Variants in DYNC2H1 observed in about 807,000 individuals in gnomAD.
DYNC2H1 encodes the protein cytoplasmic dynein 2 heavy chain 1.
Under a neutral mutation model 570.0 loss-of-function variants are expected in DYNC2H1, and 410 were observed. The ratio of observed to expected loss-of-function variants is 0.72; its 90% CI spans 0.66 to 0.78. The LOEUF is 0.78. DYNC2H1 is among the 30% of genes least tolerant of loss of function. The pLI is 0.00. For missense variants in DYNC2H1, 4,865 were observed against 5,046.4 expected (o/e 0.96, Z 1.09); for synonymous variants, 1,688 against 1,677.6 (o/e 1.01, Z -0.15).
chr11:103,457,029 A>G (rs916434319), intron 87 of DYNC2H1, among the ~76,000 whole-genome samples: 2 of 152,224 alleles, frequency 1.3e-5, no homozygotes, highest in Non-Finnish European at 2.9e-5. Context: ...GACAGGTTGC[A>G]CATACTACAG....
intron 4 of DYNC2H1, among the ~76,000 whole-genome samples, chr11:103,115,768 A>G (rs1206128104): frequency 3.3e-5 from 5 of 152,196 alleles, no homozygotes; most frequent in Non-Finnish European, 7.4e-5. Flanking sequence ...CCTGGGCAAG[A>G]GTGCGAGACT....
intron 17 of DYNC2H1, 66 bp from the exon 18 acceptor site, chr11:103,143,202 A>T (rs938760897): frequency 1.3e-6 from 2 of 1,527,480 alleles, no homozygotes; most frequent in African/African-American, 2.8e-5. Context: ...GTTGAATCCT[A>T]TTCTATTATA....
chr11:103,408,952 G>A (rs34386498), intron 84 of DYNC2H1, among the ~76,000 whole-genome samples: 76,692 of 151,432 alleles, frequency 0.51, 19,656 homozygotes, highest in African/African-American at 0.6. Flanking sequence ...TTTATATCCC[G>A]CCGGATAGGT....
At chr11:103,473,177 AAAT>A (rs1945441623) in intron 88 of DYNC2H1, among the ~76,000 whole-genome samples, 1 of 152,182 alleles carries the variant, frequency 6.6e-6, no homozygotes, top group East Asian at 1.9e-4. Flanking sequence ...GGAAAAATGA[AAAT>A]AAATAAAATG....
chr11:103,150,691 G>T (rs144635006), intron 20 of DYNC2H1, among the ~76,000 whole-genome samples: 1 of 152,262 alleles, frequency 6.6e-6, no homozygotes, highest in Admixed American at 6.5e-5. Context: ...CCAACTGGTA[G>T]ATAATAAACA....
At chr11:103,379,594 C>G (rs1250455973) in intron 83 of DYNC2H1, among the ~76,000 whole-genome samples, 1 of 152,130 alleles carries the variant, frequency 6.6e-6, no homozygotes, top group Non-Finnish European at 1.5e-5. Context: ...TCAAATCATC[C>G]TTTATTAATA....
intron 84 of DYNC2H1, among the ~76,000 whole-genome samples, chr11:103,415,373 G>C (rs1206707940): frequency 6.6e-6 from 1 of 152,128 alleles, no homozygotes; most frequent in Non-Finnish European, 1.5e-5. Flanking sequence ...TACCATCAGA[G>C]TGAACAGGCA....
intron 79 of DYNC2H1, among the ~76,000 whole-genome samples, chr11:103,314,950 C>T (rs1848919809): frequency 6.6e-6 from 1 of 151,916 alleles, no homozygotes; most frequent in South Asian, 2.1e-4. Context: ...TTTATTAAGA[C>T]TTTTGAATTG....
At position 103,168,885 on chromosome 11, in the gene DYNC2H1, A is replaced by G. The variant is rs1199090623; in HGVS notation, c.4893A>G (p.Arg1631=). Residue 1631 remains arginine, a synonymous_variant, in exon 32 of 89, where the codon AGA becomes AGG. Transcript: ENST00000375735. The part of the protein sequence containing the change: ...TEDWAWKKQL[R]FYMKSDHTCC... ...ACTGGGCTTGGAAAAAACAACTTAG[A>G]TTCTATATGAAAAGTGATCATACAT... is the stretch of plus-strand genomic sequence containing the variant. The G allele has an allele frequency of 1.2e-6, 2 of 1,613,182 alleles. No individual in the cohort carries two copies.
At chr11:103,220,550 C>A in intron 56 of DYNC2H1, 73 bp from the exon 57 acceptor site, 1 of 1,403,488 alleles carries the variant, frequency 7.1e-7, no homozygotes, top group Admixed American at 2.3e-5. Flanking sequence ...GACAATAAAA[C>A]ATAATTTTTC....
intron 75 of DYNC2H1, among the ~76,000 whole-genome samples, chr11:103,300,006 T>A (rs1284206170): frequency 1.3e-5 from 2 of 152,128 alleles, no homozygotes. Flanking sequence ...GGTACATTTT[T>A]ACAATTGTTT....
chr11:103,193,534 T>TTTTTTC (rs768465243), intron 47 of DYNC2H1, among the ~76,000 whole-genome samples: 64 of 151,958 alleles, frequency 4.2e-4, no homozygotes, highest in Non-Finnish European at 5.7e-4. Context: ...TTTTCTTTTC[T>TTTTTTC]TTTTTCTTTT....
At chr11:103,338,885 A>G (rs143959925) in intron 82 of DYNC2H1, among the ~76,000 whole-genome samples, 11 of 152,110 alleles carry the variant, frequency 7.2e-5, no homozygotes, top group African/African-American at 2.7e-4. Flanking sequence ...ATGGACATTC[A>G]TCATTGTCTG....
At chr11:103,426,989 T>C (rs981369231) in intron 84 of DYNC2H1, among the ~76,000 whole-genome samples, 2 of 152,194 alleles carry the variant, frequency 1.3e-5, no homozygotes, top group Non-Finnish European at 2.9e-5. Context: ...TTTAACATGG[T>C]TAGTGTGCTA....
At chr11:103,312,357 G>T in intron 79 of DYNC2H1, among the ~76,000 whole-genome samples, 1 of 140,812 alleles carries the variant, frequency 7.1e-6, no homozygotes, top group Non-Finnish European at 1.5e-5. Flanking sequence ...TCCAGCCTGG[G>T]CAACAAGAGC....
chr11:103,341,926 T>G (rs1468117286), intron 82 of DYNC2H1, among the ~76,000 whole-genome samples: 1 of 152,168 alleles, frequency 6.6e-6, no homozygotes, highest in African/African-American at 2.4e-5. Flanking sequence ...AATTCAGTTC[T>G]TTGAAACATT....
intron 12 of DYNC2H1, among the ~76,000 whole-genome samples, chr11:103,127,247 G>T (rs1213516202): frequency 6.6e-6 from 1 of 152,086 alleles, no homozygotes; most frequent in Admixed American, 6.5e-5. Context: ...GACACAATAG[G>T]AGCTCAAAAA....
At chr11:103,318,886 C>T (rs1938009810) in intron 80 of DYNC2H1, among the ~76,000 whole-genome samples, 1 of 152,106 alleles carries the variant, frequency 6.6e-6, no homozygotes, top group South Asian at 2.1e-4. Context: ...TCCTTTCTAC[C>T]TATGACCCAA....
In DYNC2H1 at chr11:103,382,595, G is replaced by A. The variant is rs557274983; in HGVS notation, c.12157-17068G>A. ...ACTGTTTTTCAAAACTTTGTGGTAC[G>A]ATACTTATTTGTAATACATACCTTG... On this transcript the variant is annotated intron_variant, in intron 83 of 88. Transcript: ENST00000375735. 6.6e-4 allele frequency among the ~76,000 whole-genome samples: 100 copies of A among 152,184 alleles called. 1 individual carries two copies. Among genetic ancestry groups the A allele is most frequent in the Middle Eastern group, 6.8e-3 (2 of 294 alleles).
Sources: gnomAD v4.1 joint callset for allele counts (sites outside exome capture counted in the v4.1 genomes callset) on GRCh38, gnomAD v4.1.1 for gene constraint, MANE v1.5 for transcripts, NCBI Gene and HGNC (gene_info 2026-07-23, HGNC 2026-07-21) for gene names.